The following TBCK variants were observed in gnomAD, a reference collection of about 807,000 sequenced individuals.
TBCK encodes TBC1 domain containing kinase, also known as TBC domain-containing protein kinase-like protein.
A neutral mutation model predicts 113.4 loss-of-function variants in TBCK; 99 were observed. That is an observed-to-expected ratio of 0.87 (90% CI 0.74 to 1.03). The LOEUF (loss-of-function observed/expected upper bound fraction) is 1.03, where lower values mean the gene tolerates loss of function less well. Among genes scored for constraint, TBCK ranks in the 50% least tolerant of loss-of-function variants. The pLI is 0.00. For synonymous variants in TBCK, 369 were observed against 370.8 expected (o/e 1.00, Z 0.05); for missense variants, 1,045 against 1,061.3 (o/e 0.98, Z 0.21).
At chr4:106,085,426 T>G (rs1242008806) in intron 25 of TBCK, among the ~76,000 whole-genome samples, 2 of 152,186 alleles carry the variant, frequency 1.3e-5, no homozygotes, top group Non-Finnish European at 2.9e-5. Flanking sequence ...ATATTCTGAA[T>G]ATGTATTCAC....
At chr4:106,078,977 T>G (rs1738544976) in intron 25 of TBCK, among the ~76,000 whole-genome samples, 1 of 152,164 alleles carries the variant, frequency 6.6e-6, no homozygotes, top group Non-Finnish European at 1.5e-5. Flanking sequence ...AAGGTTGGCT[T>G]AACATATGCA....
At position 106,248,244 on chromosome 4, in the gene TBCK, C is replaced by G; in HGVS notation, c.782+1G>C. The G allele has an allele frequency of 6.3e-7, 1 of 1,584,420 alleles. No homozygotes were observed. Among genetic ancestry groups the G allele is most frequent in the Non-Finnish European group, 8.6e-7 (1 of 1,165,834 alleles). On this transcript the variant is annotated splice_donor_variant, in intron 9 of 25. Coordinates refer to ENST00000394708, the MANE Select transcript of TBCK (RefSeq NM_001163435.3). LOFTEE classifies it high-confidence loss of function. ...AATCCCAATCTCTAAATAATATCAACCTCTTAGAAGGATGGAAGGTAAGGC... is the reference window on the plus strand; with the variant it reads ...AATCCCAATCTCTAAATAATATCAAGCTCTTAGAAGGATGGAAGGTAAGGC...
chr4:106,218,361 T>G (rs1263027759), intron 19 of TBCK, among the ~76,000 whole-genome samples: 1 of 148,908 alleles, frequency 6.7e-6, no homozygotes, highest in African/African-American at 2.5e-5. Flanking sequence ...AAGACAAAAT[T>G]GACAAATGGG....
chr4:106,105,536 C>T (rs28823294), intron 24 of TBCK, among the ~76,000 whole-genome samples: 9,540 of 152,234 alleles, frequency 0.063, 352 homozygotes, highest in Non-Finnish European at 0.08. Flanking sequence ...AACATGGCTG[C>T]AACTATGAGG....
chr4:106,127,323 G>A (rs1745349619), intron 23 of TBCK, among the ~76,000 whole-genome samples: 1 of 150,660 alleles, frequency 6.6e-6, no homozygotes, highest in African/African-American at 2.4e-5. Flanking sequence ...ATATATCAAC[G>A]AAGAGAAAAA....
intron 11 of TBCK, among the ~76,000 whole-genome samples, chr4:106,243,637 A>G (rs1403893561): frequency 2.0e-5 from 3 of 152,030 alleles, no homozygotes; most frequent in African/African-American, 7.2e-5. Context: ...TGAGCAGATG[A>G]CTTCTACAGT....
chr4:106,272,731 G>C (rs931072519), intron 3 of TBCK, among the ~76,000 whole-genome samples: 1 of 151,706 alleles, frequency 6.6e-6, no homozygotes, highest in Non-Finnish European at 1.5e-5. Context: ...TCCTGACCTC[G>C]TGATCTGCCC....
rs987847568 is a variant in TBCK at position 106,045,606 on chromosome 4, G to A, written c.*964C>T. On this transcript the variant is annotated 3_prime_UTR_variant, in exon 26 of 26. Coordinates refer to ENST00000394708, the MANE Select transcript of TBCK (RefSeq NM_001163435.3). The stretch of plus-strand genomic sequence containing the variant: ...CCAATGATATGTAAGCAGAGGTAGT[G>A]TGCGCAACTTCTGGTTTATGACCTT... The A allele has an allele frequency of 1.3e-5, 2 of 152,178 alleles. No homozygotes were observed. The highest frequency in any genetic ancestry group is 4.8e-5 in the African/African-American group (2 of 41,442). The allele number at this position is 152,178 out of a possible 1,614,324, so 9.4% of individuals were successfully genotyped here. A position where few individuals can be genotyped will look rare whatever the true frequency, so the allele number is the denominator to read the frequency against.
intron 23 of TBCK, among the ~76,000 whole-genome samples, chr4:106,119,896 G>GA (rs949679793): frequency 1.5e-4 from 23 of 150,582 alleles, no homozygotes; most frequent in African/African-American, 5.1e-4. Context: ...AAGGTACATG[G>GA]AAAAAAAAAT....
chr4:106,067,277 T>C (rs1736753667), intron 25 of TBCK, among the ~76,000 whole-genome samples: 1 of 152,178 alleles, frequency 6.6e-6, no homozygotes, highest in South Asian at 2.1e-4. Flanking sequence ...TTGTATATCT[T>C]CCTCAGAGAA....
intron 25 of TBCK, among the ~76,000 whole-genome samples, chr4:106,070,175 A>C (rs999837644): frequency 1.6e-4 from 24 of 152,056 alleles, no homozygotes; most frequent in Admixed American, 1.5e-3. Flanking sequence ...TTCCAACACT[A>C]TGTTGAATAG....
At chr4:106,108,330 T>C (rs891626561) in intron 24 of TBCK, among the ~76,000 whole-genome samples, 2 of 149,922 alleles carry the variant, frequency 1.3e-5, no homozygotes, top group African/African-American at 2.5e-5. Context: ...GCCAATATCC[T>C]TGATGAATGT....
At chr4:106,307,183 T>A (rs1767613761) in intron 2 of TBCK, among the ~76,000 whole-genome samples, 1 of 152,156 alleles carries the variant, frequency 6.6e-6, no homozygotes, top group South Asian at 2.1e-4. Flanking sequence ...CAAAAAATAA[T>A]AAAATGTATT....
chr4:106,117,737 C>T (rs557014774), intron 23 of TBCK, among the ~76,000 whole-genome samples: 21 of 152,214 alleles, frequency 1.4e-4, no homozygotes, highest in South Asian at 6.2e-4. Context: ...AGGCTGGGCG[C>T]GGTGGCTCAC....
intron 25 of TBCK, among the ~76,000 whole-genome samples, chr4:106,072,171 A>T (rs1195932491): frequency 1.3e-5 from 2 of 152,112 alleles, no homozygotes; most frequent in Non-Finnish European, 2.9e-5. Context: ...CCATTATTTG[A>T]TGCAGTTTCT....
chr4:106,306,626 A>G (rs1446652079), intron 2 of TBCK, among the ~76,000 whole-genome samples: 1 of 152,156 alleles, frequency 6.6e-6, no homozygotes, highest in Non-Finnish European at 1.5e-5. Context: ...CCAAGGTATT[A>G]TAACCCCAGT....
intron 3 of TBCK, among the ~76,000 whole-genome samples, chr4:106,270,124 A>G (rs1162326060): frequency 6.6e-6 from 1 of 152,166 alleles, no homozygotes; most frequent in African/African-American, 2.4e-5. Flanking sequence ...CAAAAATCCC[A>G]GGGTTTTTCT....
chr4:106,251,105 A>T, intron 6 of TBCK: 2 of 388,072 alleles, frequency 5.2e-6, no homozygotes, highest in Non-Finnish European at 1.0e-5. Context: ...TTGAGCAATG[A>T]TTGTGTGCCA....
At chr4:106,186,418 T>C (rs942723651) in intron 22 of TBCK, among the ~76,000 whole-genome samples, 5 of 152,200 alleles carry the variant, frequency 3.3e-5, no homozygotes, top group Non-Finnish European at 7.4e-5. Flanking sequence ...TTTTTAATCA[T>C]AGCCATTCTG....
Sources: gnomAD v4.1 joint callset for allele counts (sites outside exome capture counted in the v4.1 genomes callset) on GRCh38, gnomAD v4.1.1 for gene constraint, MANE v1.5 for transcripts, NCBI Gene and HGNC (gene_info 2026-07-23, HGNC 2026-07-21) for gene names.